Variants in CDK15 observed in about 807,000 individuals in gnomAD.
CDK15 encodes cyclin-dependent kinase 15.
Under a neutral mutation model 60.3 loss-of-function variants are expected in CDK15, and 62 were observed. The observed-to-expected ratio is 1.03, with a 90% confidence interval of 0.84 to 1.27. The LOEUF (loss-of-function observed/expected upper bound fraction) is 1.27, where lower values mean the gene tolerates loss of function less well. Among genes scored for constraint, CDK15 ranks in the 50% most tolerant of loss-of-function variants. The probability of loss-of-function intolerance (pLI) is 0.00; values close to 1 mark genes in which losing one functional copy is unlikely to be tolerated. For missense variants in CDK15, 541 were observed against 527.8 expected (o/e 1.03, Z -0.25); for synonymous variants, 194 against 195.7 (o/e 0.99, Z 0.07).
Position 201,807,880 on chromosome 2 carries a change from C to T in CDK15, c.296C>T (p.Ala99Val). The change falls in exon 3 of 14, where the codon GCA becomes GTA. Residue 99 changes from alanine (A) to valine (V), a missense_variant. Ala to Val is a moderately conservative substitution (Grantham distance 64, BLOSUM62 0). Transcript: ENST00000652192. ...FQWRKSLPFGAASSYLNLEKL... is the reference protein window; with the variant it reads ...FQWRKSLPFGVASSYLNLEKL... ...CAGAGGAAGAGCCTCCCTTTTGGGG[C>T]AGCCTCATCTTACTTGAACTTGGAG... is the stretch of plus-strand genomic sequence containing the variant. 1.9e-6 allele frequency: 3 copies of T among 1,614,058 alleles called. No individual in the cohort carries two copies. Among genetic ancestry groups the T allele is most frequent in the Non-Finnish European group, 2.5e-6 (3 of 1,179,982 alleles).
intron 4 of CDK15, among the ~76,000 whole-genome samples, chr2:201,819,161 G>A (rs531706464): frequency 6.6e-6 from 1 of 152,232 alleles, no homozygotes; most frequent in African/African-American, 2.4e-5. Flanking sequence ...GGCTGCTGAG[G>A]TGGGATGGAG....
At position 201,836,073 on chromosome 2, in the gene CDK15, T is replaced by TATATATTTATATATA. The variant is rs56275763; in HGVS notation, c.851+310_851+311insATATATTTATATATA. Among the ~76,000 whole-genome samples, 27 of 106,666 alleles carry TATATATTTATATATA rather than the reference T, an allele frequency of 2.5e-4. No individual in the cohort carries two copies. In the South Asian group the frequency reaches 3.2e-3, roughly 13 times the overall value. The allele number at this position is 106,666 out of a possible 152,430, so 70.0% of individuals were successfully genotyped here. On this transcript the variant is annotated intron_variant, in intron 8 of 13. Coordinates refer to ENST00000652192, the MANE Select transcript of CDK15 (RefSeq NM_001366386.2). ...TATATATATATTATATATATTTATA[T>TATATATTTATATATA]TTATATATATTTATATATTTATATA...
intron 11 of CDK15, 93 bp from the exon 12 acceptor site, chr2:201,879,935 C>A: frequency 6.8e-7 from 1 of 1,463,940 alleles, no homozygotes; most frequent in Non-Finnish European, 9.1e-7. Flanking sequence ...CTAAGTCTAG[C>A]CATCTCCTTT....
intron 9 of CDK15, among the ~76,000 whole-genome samples, chr2:201,850,802 T>C (rs1697874391): frequency 6.6e-6 from 1 of 152,200 alleles, no homozygotes; most frequent in Non-Finnish European, 1.5e-5. Context: ...CAACACCTCT[T>C]TCATCTTTTT....
chr2:201,870,912 G>A (rs2105815651), intron 10 of CDK15, among the ~76,000 whole-genome samples: 1 of 152,290 alleles, frequency 6.6e-6, no homozygotes, highest in Admixed American at 6.5e-5. Flanking sequence ...CCCTTACATA[G>A]AAGAAGCATT....
chr2:201,885,875 G>A (rs1157111813), intron 12 of CDK15, among the ~76,000 whole-genome samples: 2 of 152,112 alleles, frequency 1.3e-5, no homozygotes, highest in Non-Finnish European at 2.9e-5. Flanking sequence ...TAATTGGTGA[G>A]GCTGGAATTG....
In CDK15 at chr2:201,835,957, TGTATATA is replaced by T. The variant is rs1286597582; in HGVS notation, c.851+195_851+201del. 3.0e-3 allele frequency among the ~76,000 whole-genome samples: 362 copies of T among 119,048 alleles called. 1 individual carries two copies. Among genetic ancestry groups the T allele is most frequent in the Admixed American group, 5.6e-3 (53 of 9,480 alleles). The allele number at this position is 119,048 out of a possible 152,430, so 78.1% of individuals were successfully genotyped here. ...ATATATTTATATATTTATATATATT[TGTATATA>T]TTTATATATTTATATATTTTTATAT... is the stretch of plus-strand genomic sequence containing the variant. On this transcript the variant is annotated intron_variant, in intron 8 of 13. Coordinates refer to ENST00000652192, the MANE Select transcript of CDK15 (RefSeq NM_001366386.2).
intron 12 of CDK15, chr2:201,888,482 T>C: frequency 2.0e-6 from 3 of 1,535,140 alleles, no homozygotes; most frequent in Admixed American, 2.0e-5. Context: ...GCGATAATTA[T>C]GCTGTCAGCC....
intron 10 of CDK15, chr2:201,861,574 T>C: frequency 1.0e-6 from 1 of 954,514 alleles, no homozygotes; most frequent in South Asian, 4.9e-5. Flanking sequence ...TCTTTTTTTT[T>C]TTTTTTAGAT....
At chr2:201,877,330 G>A (rs1699114056) in intron 11 of CDK15, among the ~76,000 whole-genome samples, 1 of 152,170 alleles carries the variant, frequency 6.6e-6, no homozygotes, top group Non-Finnish European at 1.5e-5. Context: ...GGTTAATGCT[G>A]GGGGAGTATT....
At chr2:201,848,622 G>A (rs1282207142) in intron 9 of CDK15, among the ~76,000 whole-genome samples, 1 of 151,994 alleles carries the variant, frequency 6.6e-6, no homozygotes, top group Admixed American at 6.6e-5. Flanking sequence ...GCCTATTCTA[G>A]GTACCTCATA....
intron 3 of CDK15, among the ~76,000 whole-genome samples, chr2:201,810,768 C>A (rs2106150677): frequency 6.6e-6 from 1 of 151,512 alleles, no homozygotes; most frequent in South Asian, 2.1e-4. Context: ...AGAAACCTGA[C>A]CAACACTATC....
intron 10 of CDK15, among the ~76,000 whole-genome samples, chr2:201,870,786 C>T (rs1223874822): frequency 6.6e-6 from 1 of 152,078 alleles, no homozygotes; most frequent in African/African-American, 2.4e-5. Flanking sequence ...GCAGAAATAC[C>T]ATTTTGAATG....
intron 2 of CDK15, 44 bp from the exon 3 acceptor site, chr2:201,807,814 C>G (rs756433667): frequency 1.3e-6 from 2 of 1,576,744 alleles, no homozygotes; most frequent in Non-Finnish European, 1.7e-6. Context: ...TGTTCTTTCT[C>G]TCTTCCCTTT....
chr2:201,839,687 C>CAGAT (rs72059310), intron 8 of CDK15, among the ~76,000 whole-genome samples: 2,142 of 146,728 alleles, frequency 0.015, 61 homozygotes, highest in African/African-American at 0.051. Context: ...GACAGACAGA[C>CAGAT]AGATAGATAG....
intron 8 of CDK15, among the ~76,000 whole-genome samples, chr2:201,843,803 C>CTT: frequency 6.6e-6 from 1 of 152,284 alleles, no homozygotes; most frequent in African/African-American, 2.4e-5. Flanking sequence ...TCTTGTGTTA[C>CTT]TTTATGGTAC....
intron 12 of CDK15, among the ~76,000 whole-genome samples, chr2:201,884,280 TCTC>T (rs1699379576): frequency 6.6e-6 from 1 of 152,144 alleles, no homozygotes; most frequent in Non-Finnish European, 1.5e-5. Flanking sequence ...TAAATCCCCT[TCTC>T]CTTTAAAACA....
rs1698949139 is a variant in CDK15 at position 201,873,655 on chromosome 2, G to T, written c.1058+1329G>T. ...CTCTGAATACCTCTCTGGCTTTTCT[G>T]ACGATATAGCACCCATGGCCTCTGC... On this transcript the variant is annotated intron_variant, in intron 11 of 13. Transcript: ENST00000652192. Among the ~76,000 whole-genome samples the T allele has an allele frequency of 4.6e-5, 7 of 152,196 alleles. 1 individual carries two copies. Among genetic ancestry groups the T allele is most frequent in the Admixed American group, 4.6e-4 (7 of 15,278 alleles).
chr2:201,808,324 C>A (rs978784710), intron 3 of CDK15, among the ~76,000 whole-genome samples: 4 of 152,308 alleles, frequency 2.6e-5, no homozygotes, highest in Admixed American at 2.6e-4. Flanking sequence ...CCCTAAATCA[C>A]AATGACAGAG....
Sources: allele counts gnomAD v4.1 joint callset (sites outside exome capture counted in the v4.1 genomes callset), GRCh38; gene constraint gnomAD v4.1.1; transcripts MANE v1.5; gene names NCBI Gene and HGNC (gene_info 2026-07-23, HGNC 2026-07-21).